The following CDH22 variants were observed in gnomAD, a reference collection of about 807,000 sequenced individuals.
The protein encoded by CDH22 is cadherin-22.
In CDH22, 30 loss-of-function variants were observed where a neutral mutation model predicts 58.4. That is an observed-to-expected ratio of 0.51 (90% confidence interval 0.38 to 0.70). The LOEUF is 0.70. Ranked by LOEUF, CDH22 falls within the 30% of genes least tolerant of loss-of-function variation. The pLI, the probability that CDH22 is intolerant of heterozygous loss-of-function variation, is 0.00. For missense variants in CDH22, 1,014 were observed against 1,233.9 expected, an observed-to-expected ratio of 0.82 and a Z score of 2.67; for synonymous variants, 513 against 558.2, an observed-to-expected ratio of 0.92 and a Z score of 1.14.
At chr20:46,213,391 A>C (rs1345433858) in intron 5 of CDH22, among the ~76,000 whole-genome samples, 1 of 152,162 alleles carries the variant, frequency 6.6e-6, no homozygotes, top group African/African-American at 2.4e-5. Context: ...GAGGGTTTAA[A>C]TTCTGACCTT....
In CDH22 at chr20:46,210,005, A is replaced by T. The variant is rs2086028503; in HGVS notation, c.1286+302T>A. ...TCAGGGAGCCAGTGTGGCTGCAGCC[A>T]GCAGCGCGGAGACCCCGCCAGTGCA... On this transcript the variant is annotated intron_variant, in intron 7 of 11. Transcript: ENST00000537909. This position sits in a 1 kb window ranked among gnomAD's most constrained non-coding sequence, Gnocchi z 4.5. 9.6e-6 allele frequency: 3 copies of T among 312,948 alleles called. No homozygotes were observed. Among genetic ancestry groups the T allele is most frequent in the Non-Finnish European group, 5.9e-6 (1 of 170,566 alleles). The allele number at this position is 312,948 out of a possible 1,614,324, so 19.4% of individuals were successfully genotyped here. A position where few individuals can be genotyped will look rare whatever the true frequency, so the allele number is the denominator to read the frequency against.
intron 1 of CDH22, among the ~76,000 whole-genome samples, chr20:46,262,816 A>G (rs2086439873): frequency 1.3e-5 from 2 of 152,196 alleles, no homozygotes; most frequent in South Asian, 2.1e-4. Context: ...CCTACTCTCC[A>G]TCTTGCCACT....
intron 2 of CDH22, among the ~76,000 whole-genome samples, chr20:46,247,388 G>A (rs983889066): frequency 6.6e-6 from 1 of 152,162 alleles, no homozygotes; most frequent in Non-Finnish European, 1.5e-5. Context: ...TTCTGCATCA[G>A]TGAATGCAGC....
At chr20:46,181,759 C>CTTTCTTTCTTTA (rs1568649884) in intron 10 of CDH22, among the ~76,000 whole-genome samples, 1 of 116,548 alleles carries the variant, frequency 8.6e-6, no homozygotes, top group Non-Finnish European at 1.8e-5. Context: ...TTCCTTCTTT[C>CTTTCTTTCTTTA]TTTCTTTCTT....
chr20:46,289,061 C>T (rs1051419214), intron 1 of CDH22, among the ~76,000 whole-genome samples: 1 of 152,126 alleles, frequency 6.6e-6, no homozygotes, highest in East Asian at 1.9e-4. Flanking sequence ...CCTTTTCCTA[C>T]TCCCCTCTCC....
In CDH22 at chr20:46,290,760, T is replaced by C. The variant is rs141516965; in HGVS notation, c.-400+17495A>G. 7.9e-3 allele frequency among the ~76,000 whole-genome samples: 1,198 copies of C among 151,618 alleles called. 15 individuals carry two copies. The highest frequency in any genetic ancestry group is 0.027 in the African/African-American group (1,123 of 41,298). On this transcript the variant is annotated intron_variant, in intron 1 of 11. Transcript: ENST00000537909. ...CAATGTGTCAGGGAATTCACGAAGC[T>C]AGAGACAAGCAGGGTGGGAGCTGGT...
intron 7 of CDH22, among the ~76,000 whole-genome samples, chr20:46,200,645 G>T (rs928971586): frequency 2.0e-5 from 3 of 152,162 alleles, no homozygotes; most frequent in Admixed American, 6.5e-5. Context: ...CCGGGAGTGT[G>T]GGTGGCGTTC....
intron 8 of CDH22, among the ~76,000 whole-genome samples, chr20:46,190,763 G>A (rs908812294): frequency 2.0e-5 from 3 of 152,156 alleles, no homozygotes; most frequent in Non-Finnish European, 2.9e-5. Context: ...GCTTTGGCCC[G>A]GTGCTTCCTC....
chr20:46,307,848 C>T (rs1014391674), intron 1 of CDH22, among the ~76,000 whole-genome samples: 1 of 151,998 alleles, frequency 6.6e-6, no homozygotes, highest in Non-Finnish European at 1.5e-5. Flanking sequence ...ACGCCTGGGT[C>T]CCAGCCCTCG....
At chr20:46,228,486 T>C (rs1318212319) in intron 3 of CDH22, among the ~76,000 whole-genome samples, 3 of 148,740 alleles carry the variant, frequency 2.0e-5, no homozygotes, top group Non-Finnish European at 4.5e-5. Context: ...GTCCCAGAGA[T>C]GGCTCTAATT....
intron 2 of CDH22, among the ~76,000 whole-genome samples, chr20:46,243,433 C>T (rs1450021873): frequency 6.6e-6 from 1 of 152,184 alleles, no homozygotes; most frequent in Admixed American, 6.5e-5. Context: ...GGGTCCCCAT[C>T]CTGTTATAGA....
chr20:46,198,614 A>G (rs1181015888), intron 8 of CDH22, among the ~76,000 whole-genome samples: 1 of 152,138 alleles, frequency 6.6e-6, no homozygotes, highest in African/African-American at 2.4e-5. Context: ...AGGTACCCTG[A>G]TGGAGAACAT....
intron 2 of CDH22, among the ~76,000 whole-genome samples, chr20:46,243,946 G>A (rs565204317): frequency 6.6e-5 from 10 of 152,304 alleles, no homozygotes; most frequent in Admixed American, 3.9e-4. Context: ...TGGAAAGCAC[G>A]CTTCTGACTC....
intron 5 of CDH22, among the ~76,000 whole-genome samples, chr20:46,214,895 T>G (rs905486818): frequency 6.6e-6 from 1 of 152,240 alleles, no homozygotes; most frequent in Non-Finnish European, 1.5e-5. Context: ...CATCTCTTAT[T>G]CATCAGGCAT....
At chr20:46,259,209 G>A (rs1051604373) in intron 1 of CDH22, among the ~76,000 whole-genome samples, 3 of 152,208 alleles carry the variant, frequency 2.0e-5, no homozygotes, top group African/African-American at 7.2e-5. Context: ...CTCCCAAAGA[G>A]CTCACCATCT....
intron 2 of CDH22, among the ~76,000 whole-genome samples, chr20:46,245,548 T>C (rs909263747): frequency 1.3e-5 from 2 of 152,190 alleles, no homozygotes; most frequent in African/African-American, 4.8e-5. Context: ...TGTGTGTGTG[T>C]GTGAGTGCAC....
chr20:46,217,030 A>G (rs1303572279), intron 4 of CDH22, 37 bp from the exon 5 acceptor site: 1 of 1,564,272 alleles, frequency 6.4e-7, no homozygotes, highest in Admixed American at 1.7e-5. Context: ...GGCACCCCAC[A>G]CCACCTGCCC....
At chr20:46,224,473 C>A (rs1004974468) in intron 4 of CDH22, among the ~76,000 whole-genome samples, 3 of 152,166 alleles carry the variant, frequency 2.0e-5, no homozygotes, top group Non-Finnish European at 4.4e-5. Flanking sequence ...GAGACCCAAC[C>A]ATTCTTGGAG....
At chr20:46,211,851 G>A (rs941266106) in intron 6 of CDH22, among the ~76,000 whole-genome samples, 1 of 151,870 alleles carries the variant, frequency 6.6e-6, no homozygotes, top group Non-Finnish European at 1.5e-5. Context: ...CCTACTGAAC[G>A]ATACTAGATG....
Sources: gnomAD v4.1 joint callset for allele counts (sites outside exome capture counted in the v4.1 genomes callset) on GRCh38, gnomAD v4.1.1 for gene constraint, Gnocchi (gnomAD v3.1) non-coding constraint, MANE v1.5 for transcripts, NCBI Gene and HGNC (gene_info 2026-07-23, HGNC 2026-07-21) for gene names.